The following ZNF385B variants were observed in gnomAD, a reference collection of about 807,000 sequenced individuals.
ZNF385B encodes the protein zinc finger protein 533.
A neutral mutation model predicts 39.2 loss-of-function variants in ZNF385B; 23 were observed. The observed-to-expected ratio is 0.59, with a 90% CI of 0.42 to 0.83. The LOEUF (loss-of-function observed/expected upper bound fraction) is 0.83, where lower values mean the gene tolerates loss of function less well. Among genes scored for constraint, ZNF385B ranks in the 40% least tolerant of loss-of-function variants. ZNF385B has a pLI of 0.00. For synonymous variants in ZNF385B, 205 were observed against 222.6 expected (o/e 0.92, Z 0.70); for missense variants, 552 against 598.9 (o/e 0.92, Z 0.82).
intron 1 of ZNF385B, among the ~76,000 whole-genome samples, chr2:179,780,361 G>A (rs1318727958): frequency 6.6e-6 from 1 of 152,154 alleles, no homozygotes. Flanking sequence ...GAGTCCCAGA[G>A]GGCTGGCAGG....
intron 3 of ZNF385B, among the ~76,000 whole-genome samples, chr2:179,750,337 G>A (rs1702601223): frequency 6.6e-6 from 1 of 152,138 alleles, no homozygotes; most frequent in Non-Finnish European, 1.5e-5. Flanking sequence ...GGGGAGAACA[G>A]ATAAAGGGTA....
intron 5 of ZNF385B, among the ~76,000 whole-genome samples, chr2:179,484,270 A>G (rs900022521): frequency 6.6e-6 from 1 of 152,078 alleles, no homozygotes; most frequent in African/African-American, 2.4e-5. Context: ...TCTTATTGGC[A>G]TCTAGTATTA....
chr2:179,780,768 TC>T (rs1319260441), intron 1 of ZNF385B, among the ~76,000 whole-genome samples: 1 of 152,220 alleles, frequency 6.6e-6, no homozygotes, highest in African/African-American at 2.4e-5. Context: ...GGATAATTTT[TC>T]CAAAACTGAC....
chr2:179,674,331 G>A (rs896244347), intron 3 of ZNF385B, among the ~76,000 whole-genome samples: 1 of 152,042 alleles, frequency 6.6e-6, no homozygotes, highest in Admixed American at 6.5e-5. Flanking sequence ...CAACTATGAC[G>A]TATTTTTCTT....
At chr2:179,761,744 AACATTTTTT>A (rs1296220700) in intron 3 of ZNF385B, among the ~76,000 whole-genome samples, 1 of 147,634 alleles carries the variant, frequency 6.8e-6, no homozygotes, top group Non-Finnish European at 1.5e-5. Flanking sequence ...ATGCCTGGCT[AACATTTTTT>A]TTCTTTTCTT....
chr2:179,755,197 G>A (rs1433007093), intron 3 of ZNF385B, among the ~76,000 whole-genome samples: 6 of 152,192 alleles, frequency 3.9e-5, no homozygotes, highest in South Asian at 4.1e-4. Context: ...GTACCCAGTA[G>A]TCATTCAGGA....
At chr2:179,814,896 T>C (rs2106571889) in intron 1 of ZNF385B, among the ~76,000 whole-genome samples, 1 of 152,356 alleles carries the variant, frequency 6.6e-6, no homozygotes, top group Middle Eastern at 3.4e-3. Context: ...AAAGTGTATA[T>C]ATAGTTGCAT....
chr2:179,675,612 G>C (rs1175473750), intron 3 of ZNF385B, among the ~76,000 whole-genome samples: 2 of 152,112 alleles, frequency 1.3e-5, no homozygotes, highest in African/African-American at 4.8e-5. Flanking sequence ...CAGGTGAGAG[G>C]AAACAGGTGG....
chr2:179,537,768 A>C (rs1339854830), intron 4 of ZNF385B, among the ~76,000 whole-genome samples: 290 of 68,790 alleles, frequency 4.2e-3, no homozygotes, highest in African/African-American at 0.022. Context: ...CAAACAAACA[A>C]AAAAAAAAAT....
chr2:179,755,605 T>G (rs1422025807), intron 3 of ZNF385B, among the ~76,000 whole-genome samples: 1 of 152,196 alleles, frequency 6.6e-6, no homozygotes, highest in African/African-American at 2.4e-5. Context: ...GCTTTATGAA[T>G]GTGGGTGCTC....
intron 1 of ZNF385B, among the ~76,000 whole-genome samples, chr2:179,858,016 T>C (rs998550728): frequency 6.6e-6 from 1 of 152,184 alleles, no homozygotes; most frequent in Non-Finnish European, 1.5e-5. Context: ...TTAAGCTTGG[T>C]TCTCTTTTGG....
intron 3 of ZNF385B, among the ~76,000 whole-genome samples, chr2:179,763,204 C>T (rs1703503061): frequency 6.6e-6 from 1 of 152,112 alleles, no homozygotes; most frequent in African/African-American, 2.4e-5. Context: ...ACACCTGGCC[C>T]AGATAGTCTA....
chr2:179,509,675 G>C (rs943690406), intron 5 of ZNF385B, among the ~76,000 whole-genome samples: 2 of 152,052 alleles, frequency 1.3e-5, no homozygotes, highest in African/African-American at 4.8e-5. Context: ...GACAAAAGCA[G>C]GTTATCATTT....
chr2:179,488,438 A>C (rs749556003), intron 5 of ZNF385B, among the ~76,000 whole-genome samples: 1 of 152,140 alleles, frequency 6.6e-6, no homozygotes, highest in Non-Finnish European at 1.5e-5. Flanking sequence ...GCCACTGCGC[A>C]CGGCCTGATT....
chr2:179,638,057 GA>G (rs1009688693), intron 3 of ZNF385B, among the ~76,000 whole-genome samples: 19 of 152,108 alleles, frequency 1.2e-4, no homozygotes, highest in African/African-American at 4.1e-4. Flanking sequence ...AACAACGTTG[GA>G]AAAAATTCTT....
At chr2:179,478,911 G>A (rs748621183) in intron 6 of ZNF385B, among the ~76,000 whole-genome samples, 1 of 152,102 alleles carries the variant, frequency 6.6e-6, no homozygotes, top group East Asian at 1.9e-4. Flanking sequence ...ATTGTCATAT[G>A]GCATTATGAC....
chr2:179,732,801 T>A (rs1240158254), intron 3 of ZNF385B, among the ~76,000 whole-genome samples: 1 of 152,194 alleles, frequency 6.6e-6, no homozygotes, highest in Non-Finnish European at 1.5e-5. Flanking sequence ...ATGTATGAGA[T>A]TAAAAAACAA....
intron 4 of ZNF385B, among the ~76,000 whole-genome samples, chr2:179,544,442 TAC>T (rs1259141702): frequency 2.0e-5 from 3 of 147,720 alleles, no homozygotes; most frequent in Non-Finnish European, 3.0e-5. Context: ...AGATAAATCC[TAC>T]AGTCATTTTT....
chr2:179,781,563 T>C (rs913693986), intron 1 of ZNF385B, among the ~76,000 whole-genome samples: 1 of 152,154 alleles, frequency 6.6e-6, no homozygotes, highest in African/African-American at 2.4e-5. Flanking sequence ...AAAGAGAACA[T>C]CTTCATGACT....
Sources: gnomAD v4.1 joint callset for allele counts (sites outside exome capture counted in the v4.1 genomes callset) on GRCh38, gnomAD v4.1.1 for gene constraint, MANE v1.5 for transcripts, NCBI Gene and HGNC (gene_info 2026-07-23, HGNC 2026-07-21) for gene names.